Variants in ITFG1 observed in about 807,000 individuals in gnomAD.
The protein encoded by ITFG1 is T-cell immunomodulatory protein.
Under a neutral mutation model 81.8 loss-of-function variants are expected in ITFG1, and 34 were observed. The observed-to-expected ratio is 0.42, with a 90% CI of 0.32 to 0.55. The LOEUF (loss-of-function observed/expected upper bound fraction) is 0.55. Among genes scored for constraint, ITFG1 ranks in the 20% least tolerant of loss-of-function variants. The probability of loss-of-function intolerance (pLI) is 0.17; values close to 1 mark genes in which losing one functional copy is unlikely to be tolerated. For synonymous variants in ITFG1, 285 were observed against 270.6 expected, an observed-to-expected ratio of 1.05 and a Z score of -0.52; for missense variants, 672 against 755.4, an observed-to-expected ratio of 0.89 and a Z score of 1.29.
intron 3 of ITFG1, 39 bp downstream of exon 3, chr16:47,453,974 T>C: frequency 7.7e-7 from 1 of 1,302,114 alleles, no homozygotes; most frequent in Non-Finnish European, 1.1e-6. Flanking sequence ...TACCTTCATA[T>C]TCAATGATAA....
At chr16:47,181,957 C>G (rs1965130163) in intron 14 of ITFG1, among the ~76,000 whole-genome samples, 1 of 152,104 alleles carries the variant, frequency 6.6e-6, no homozygotes, top group African/African-American at 2.4e-5. Context: ...GCAAGATGTG[C>G]TTTGTTAAAC....
chr16:47,460,808 G>T (rs747065637), intron 1 of ITFG1, 30 bp downstream of exon 1: 1 of 1,608,472 alleles, frequency 6.2e-7, no homozygotes, highest in African/African-American at 1.3e-5. Flanking sequence ...CACGGACAGC[G>T]AACAGAGGGA....
At chr16:47,186,995 T>G (rs2151515979) in intron 14 of ITFG1, among the ~76,000 whole-genome samples, 1 of 152,214 alleles carries the variant, frequency 6.6e-6, no homozygotes, top group South Asian at 2.1e-4. Flanking sequence ...AAATCATGAG[T>G]GAACTCCCAT....
At position 47,311,845 on chromosome 16, in the gene ITFG1, C is replaced by T. The variant is rs117442257; in HGVS notation, c.898-433G>A. 24 of 153,746 alleles carry T rather than the reference C, an allele frequency of 1.6e-4. No individual in the cohort carries two copies. In the East Asian group the frequency reaches 4.4e-3, roughly 28 times the overall value. The allele number at this position is 153,746 out of a possible 1,614,324, so 9.5% of individuals were successfully genotyped here. A position where few individuals can be genotyped will look rare whatever the true frequency, so the allele number is the denominator to read the frequency against. Reference sequence around the variant, plus strand: ...GACCAACTTAGGAGGAAAGTTAGAACATGACAGAGACCCCGTTGTTCATTC... The same window carrying T: ...GACCAACTTAGGAGGAAAGTTAGAATATGACAGAGACCCCGTTGTTCATTC... On this transcript the variant is annotated intron_variant, in intron 9 of 17. Transcript: ENST00000320640.
At chr16:47,195,022 C>T (rs1965340392) in intron 14 of ITFG1, among the ~76,000 whole-genome samples, 1 of 152,194 alleles carries the variant, frequency 6.6e-6, no homozygotes, top group African/African-American at 2.4e-5. Flanking sequence ...TGCTCTTGAA[C>T]TTTTCAATTG....
intron 14 of ITFG1, among the ~76,000 whole-genome samples, chr16:47,214,921 A>AACACACACACAC (rs57114470): frequency 1.0e-4 from 15 of 145,142 alleles, no homozygotes; most frequent in Non-Finnish European, 2.0e-4. Context: ...CCAGTGTGAA[A>AACACACACACAC]ACACACACAC....
intron 10 of ITFG1, among the ~76,000 whole-genome samples, chr16:47,306,512 T>C (rs1967161665): frequency 6.6e-6 from 1 of 151,948 alleles, no homozygotes. Flanking sequence ...AGATTTTAAA[T>C]AAAAAAGAAC....
At chr16:47,437,322 G>T (rs969179052) in intron 5 of ITFG1, among the ~76,000 whole-genome samples, 3 of 152,042 alleles carry the variant, frequency 2.0e-5, no homozygotes, top group African/African-American at 7.2e-5. Flanking sequence ...TAAAAAGTTA[G>T]TCAGGCATGG....
intron 8 of ITFG1, among the ~76,000 whole-genome samples, chr16:47,314,138 C>T (rs1028668376): frequency 1.3e-5 from 2 of 151,930 alleles, no homozygotes; most frequent in African/African-American, 4.8e-5. Flanking sequence ...ATACCCCAAC[C>T]CATGTAACAA....
At chr16:47,313,111 T>C (rs1404642280) in intron 9 of ITFG1, 1 of 152,224 alleles carries the variant, frequency 6.6e-6, no homozygotes, top group Non-Finnish European at 1.5e-5. Flanking sequence ...ACCACTGTAC[T>C]CACACTGGCC....
At chr16:47,347,689 G>A (rs1967878555) in intron 8 of ITFG1, among the ~76,000 whole-genome samples, 1 of 152,218 alleles carries the variant, frequency 6.6e-6, no homozygotes, top group Non-Finnish European at 1.5e-5. Context: ...CAGCTTTGAA[G>A]AGAGTAGTGG....
At chr16:47,397,279 C>T (rs921484896) in intron 6 of ITFG1, among the ~76,000 whole-genome samples, 2 of 151,976 alleles carry the variant, frequency 1.3e-5, no homozygotes, top group African/African-American at 4.8e-5. Context: ...GCTGGTGTTC[C>T]AGAAGACAGA....
chr16:47,451,505 T>C (rs1969389400), intron 4 of ITFG1, 35 bp from the exon 5 acceptor site: 1 of 1,130,414 alleles, frequency 8.8e-7, no homozygotes, highest in African/African-American at 1.5e-5. Flanking sequence ...CAGCTATTTC[T>C]TTAAATTCTT....
intron 10 of ITFG1, among the ~76,000 whole-genome samples, chr16:47,284,623 G>A (rs2151551746): frequency 6.6e-6 from 1 of 152,072 alleles, no homozygotes; most frequent in East Asian, 1.9e-4. Flanking sequence ...ATGCATAATG[G>A]GTCAAGTCAA....
At chr16:47,451,358 A>G (rs1224588988) in intron 5 of ITFG1, 38 bp downstream of exon 5, 62 of 1,090,030 alleles carry the variant, frequency 5.7e-5, no homozygotes, top group Non-Finnish European at 8.4e-5. Context: ...GAAGCAATAT[A>G]TACGATTAAT....
intron 12 of ITFG1, among the ~76,000 whole-genome samples, chr16:47,241,015 G>T (rs1965926952): frequency 6.6e-6 from 1 of 151,522 alleles, no homozygotes; most frequent in African/African-American, 2.4e-5. Flanking sequence ...TGGTTAAGAT[G>T]GCAAATTTTA....
At chr16:47,351,089 A>C (rs867201566) in intron 8 of ITFG1, among the ~76,000 whole-genome samples, 14 of 152,114 alleles carry the variant, frequency 9.2e-5, no homozygotes, top group African/African-American at 2.2e-4. Flanking sequence ...TTATGACAAA[A>C]CCACAGCCAA....
chr16:47,394,998 T>A (rs1400363805), intron 6 of ITFG1, among the ~76,000 whole-genome samples: 2 of 152,162 alleles, frequency 1.3e-5, no homozygotes, highest in African/African-American at 4.8e-5. Context: ...ATATACAATA[T>A]GAAGAGTCCA....
chr16:47,231,595 A>G (rs1428592010), intron 13 of ITFG1, among the ~76,000 whole-genome samples: 1 of 152,198 alleles, frequency 6.6e-6, no homozygotes, highest in African/African-American at 2.4e-5. Context: ...CAAATGGAAC[A>G]CCAACATTTC....
Sources: gnomAD v4.1 joint callset for allele counts (sites outside exome capture counted in the v4.1 genomes callset) on GRCh38, gnomAD v4.1.1 for gene constraint, MANE v1.5 for transcripts, NCBI Gene and HGNC (gene_info 2026-07-23, HGNC 2026-07-21) for gene names.